NUBPL: variants seen among roughly 807,000 people sequenced by gnomAD.
The protein encoded by NUBPL is NUBP iron-sulfur cluster assembly factor, mitochondrial.
Under a neutral mutation model 45.7 loss-of-function variants are expected in NUBPL, and 31 were observed. The ratio of observed to expected loss-of-function variants is 0.68; its 90% confidence interval spans 0.51 to 0.92. NUBPL has a LOEUF of 0.92. Among genes scored for constraint, NUBPL ranks in the 40% least tolerant of loss-of-function variants. NUBPL has a pLI of 0.00. For synonymous variants in NUBPL, 144 were observed against 140.9 expected, an observed-to-expected ratio of 1.02 and a Z score of -0.15; for missense variants, 401 against 398.7, an observed-to-expected ratio of 1.01 and a Z score of -0.05.
intron 6 of NUBPL, among the ~76,000 whole-genome samples, chr14:31,758,752 C>A (rs1056339254): frequency 9.2e-5 from 14 of 152,198 alleles, no homozygotes; most frequent in Non-Finnish European, 1.5e-4. Context: ...ACATGAAATA[C>A]TATTTTGTCA....
intron 4 of NUBPL, among the ~76,000 whole-genome samples, chr14:31,670,110 G>T (rs1388002127): frequency 6.6e-6 from 1 of 152,092 alleles, no homozygotes; most frequent in Non-Finnish European, 1.5e-5. Flanking sequence ...GTGTGTAGGT[G>T]TTGCCTTTTC....
intron 6 of NUBPL, among the ~76,000 whole-genome samples, chr14:31,698,779 T>G (rs1181189315): frequency 6.6e-6 from 1 of 152,202 alleles, no homozygotes; most frequent in Non-Finnish European, 1.5e-5. Context: ...CTGTGTTCAC[T>G]ACTTATTTTT....
intron 4 of NUBPL, among the ~76,000 whole-genome samples, chr14:31,631,470 A>G (rs1329614326): frequency 3.0e-5 from 4 of 135,520 alleles, no homozygotes; most frequent in Non-Finnish European, 3.4e-5. Flanking sequence ...AACCAATAAT[A>G]CACACACACA....
Position 31,730,445 on chromosome 14 carries a change from T to C in NUBPL, c.513+56871T>C, listed in dbSNP as rs2038024384. Among the ~76,000 whole-genome samples, 4 of 151,924 alleles carry C rather than the reference T, an allele frequency of 2.6e-5. No homozygotes were observed. The South Asian group carries it at 6.2e-4, about 24-fold the overall frequency. ...ACTTGCAAGACAACTTTCATCATCA[T>C]CTGCTGGATCAAGTAATCTTTTTTT... On this transcript the variant is annotated intron_variant, in intron 6 of 10. Coordinates refer to ENST00000281081, the MANE Select transcript of NUBPL (RefSeq NM_025152.3).
intron 7 of NUBPL, among the ~76,000 whole-genome samples, chr14:31,792,729 G>A (rs2039405542): frequency 6.6e-6 from 1 of 152,122 alleles, no homozygotes; most frequent in South Asian, 2.1e-4. Flanking sequence ...CAATAAAAAT[G>A]TCCTACCAAA....
chr14:31,782,567 T>C (rs2039211128), intron 6 of NUBPL, among the ~76,000 whole-genome samples: 1 of 152,124 alleles, frequency 6.6e-6, no homozygotes, highest in Admixed American at 6.5e-5. Context: ...AAGGTAGGCA[T>C]ATCACCTGAG....
At chr14:31,858,099 G>A (rs1426275863) in intron 10 of NUBPL, among the ~76,000 whole-genome samples, 1 of 152,232 alleles carries the variant, frequency 6.6e-6, no homozygotes, top group East Asian at 1.9e-4. Flanking sequence ...GGAAGAAGGT[G>A]AAAGGCAAGG....
At chr14:31,781,031 C>G (rs1200260786) in intron 6 of NUBPL, among the ~76,000 whole-genome samples, 2 of 152,142 alleles carry the variant, frequency 1.3e-5, no homozygotes, top group East Asian at 3.8e-4. Context: ...TTGAGGCTCT[C>G]CAGGGGGCCC....
At chr14:31,647,402 C>T (rs1419341675) in intron 4 of NUBPL, among the ~76,000 whole-genome samples, 1 of 152,144 alleles carries the variant, frequency 6.6e-6, no homozygotes, top group Admixed American at 6.5e-5. Flanking sequence ...TAGGTTGCTG[C>T]CCCCTTTTTG....
chr14:31,627,938 A>G (rs1033008520), intron 4 of NUBPL, among the ~76,000 whole-genome samples: 1 of 152,196 alleles, frequency 6.6e-6, no homozygotes, highest in African/African-American at 2.4e-5. Flanking sequence ...AAAAATAACT[A>G]TTTTCTGAAA....
chr14:31,727,660 T>G lies in NUBPL; in HGVS notation c.513+54086T>G, dbSNP rs537348379. Among the ~76,000 whole-genome samples, 22 of 152,324 alleles carry G rather than the reference T, an allele frequency of 1.4e-4. No individual in the cohort carries two copies. In the South Asian group the frequency reaches 4.3e-3, roughly 30 times the overall value. On this transcript the variant is annotated intron_variant, in intron 6 of 10. Transcript: ENST00000281081. ...TGGTATATGCTAGGCACATTAGAAA[T>G]AAATTATTTTTGGGCCACACTTAGT...
chr14:31,793,880 C>A (rs1257142277), intron 7 of NUBPL, among the ~76,000 whole-genome samples: 1 of 82,478 alleles, frequency 1.2e-5, no homozygotes, highest in African/African-American at 5.2e-5. Flanking sequence ...TCCCTCCCCC[C>A]TCCCCCGACC....
chr14:31,640,638 A>G (rs1295921251), intron 4 of NUBPL, among the ~76,000 whole-genome samples: 2 of 150,742 alleles, frequency 1.3e-5, no homozygotes, highest in African/African-American at 2.4e-5. Context: ...AAAAAGAAAC[A>G]CTAATTAGAT....
At chr14:31,602,262 A>G (rs897517595) in intron 4 of NUBPL, among the ~76,000 whole-genome samples, 2 of 152,006 alleles carry the variant, frequency 1.3e-5, no homozygotes, top group African/African-American at 4.8e-5. Flanking sequence ...GGGGGGAGGG[A>G]TAGCATTGGG....
chr14:31,808,603 C>G (rs1018635964), intron 7 of NUBPL, among the ~76,000 whole-genome samples: 1 of 151,982 alleles, frequency 6.6e-6, no homozygotes, highest in Non-Finnish European at 1.5e-5. Context: ...AATTGAATAC[C>G]CTTCATTTCT....
intron 3 of NUBPL, among the ~76,000 whole-genome samples, chr14:31,572,194 C>T (rs1314436274): frequency 6.6e-6 from 1 of 151,670 alleles, no homozygotes; most frequent in Admixed American, 6.6e-5. Flanking sequence ...GGCTGGAGTA[C>T]AGTGGTGCAA....
intron 6 of NUBPL, among the ~76,000 whole-genome samples, chr14:31,712,299 C>T (rs2037591538): frequency 6.6e-6 from 1 of 152,262 alleles, no homozygotes; most frequent in Non-Finnish European, 1.5e-5. Flanking sequence ...CCACCCAACC[C>T]AGAAGCCCAG....
chr14:31,769,863 C>T (rs2038977672), intron 6 of NUBPL, among the ~76,000 whole-genome samples: 1 of 151,796 alleles, frequency 6.6e-6, no homozygotes, highest in Non-Finnish European at 1.5e-5. Flanking sequence ...AACTAGGGTC[C>T]CGAGAGGTTA....
At chr14:31,667,271 C>T (rs1485105970) in intron 4 of NUBPL, among the ~76,000 whole-genome samples, 1 of 151,942 alleles carries the variant, frequency 6.6e-6, no homozygotes, top group Non-Finnish European at 1.5e-5. Context: ...TTTCTGTAAT[C>T]TTGTCTTCAA....
Sources: gnomAD v4.1 joint callset for allele counts (sites outside exome capture counted in the v4.1 genomes callset) on GRCh38, gnomAD v4.1.1 for gene constraint, MANE v1.5 for transcripts, NCBI Gene and HGNC (gene_info 2026-07-23, HGNC 2026-07-21) for gene names.